Variants in PDGFD observed in about 807,000 individuals in gnomAD.
PDGFD encodes platelet derived growth factor D.
A neutral mutation model predicts 44.7 loss-of-function variants in PDGFD; 30 were observed. That is an observed-to-expected ratio of 0.67 (90% CI 0.50 to 0.91). The LOEUF (loss-of-function observed/expected upper bound fraction) is 0.91. Ranked by LOEUF, PDGFD falls within the 40% of genes least tolerant of loss-of-function variation. The probability of loss-of-function intolerance (pLI) is 0.00; values close to 1 mark genes in which losing one functional copy is unlikely to be tolerated. For missense variants in PDGFD, 445 were observed against 457.8 expected (o/e 0.97, Z 0.25); for synonymous variants, 173 against 168.4 (o/e 1.03, Z -0.21).
chr11:104,051,069 AAAAG>A (rs996629018), intron 1 of PDGFD, among the ~76,000 whole-genome samples: 54 of 151,840 alleles, frequency 3.6e-4, no homozygotes, highest in African/African-American at 1.2e-3. Context: ...TATAGCCAAG[AAAAG>A]AAACAGGCAG....
intron 1 of PDGFD, among the ~76,000 whole-genome samples, chr11:104,117,312 G>C (rs1443294561): frequency 6.6e-6 from 1 of 151,840 alleles, no homozygotes; most frequent in Non-Finnish European, 1.5e-5. Flanking sequence ...TTCCCTCTGA[G>C]AACTGGAACA....
intron 1 of PDGFD, chr11:104,036,430 T>C: frequency 4.6e-6 from 1 of 217,234 alleles, no homozygotes; most frequent in Non-Finnish European, 9.4e-6. Flanking sequence ...GGTGACAGGA[T>C]AAGATCCTGT....
At chr11:103,939,502 C>G (rs879677107) in intron 5 of PDGFD, among the ~76,000 whole-genome samples, 1 of 152,128 alleles carries the variant, frequency 6.6e-6, no homozygotes, top group Non-Finnish European at 1.5e-5. Flanking sequence ...CATCTGCAAA[C>G]AGGGACAATT....
intron 1 of PDGFD, among the ~76,000 whole-genome samples, chr11:104,034,142 C>T (rs962353514): frequency 5.3e-5 from 8 of 152,270 alleles, no homozygotes; most frequent in African/African-American, 1.9e-4. Flanking sequence ...ACATCCCTCA[C>T]CATCTTCTTC....
At chr11:104,116,222 A>G (rs769112882) in intron 1 of PDGFD, among the ~76,000 whole-genome samples, 6 of 152,076 alleles carry the variant, frequency 3.9e-5, no homozygotes, top group Non-Finnish European at 7.4e-5. Context: ...GTGAGAGATA[A>G]GAATCCAGTT....
intron 3 of PDGFD, among the ~76,000 whole-genome samples, chr11:103,952,164 A>T (rs1858769386): frequency 6.6e-6 from 1 of 152,194 alleles, no homozygotes; most frequent in South Asian, 2.1e-4. Flanking sequence ...AGACAAATGC[A>T]AAACAAACTC....
At chr11:104,142,454 T>C (rs761762539) in intron 1 of PDGFD, among the ~76,000 whole-genome samples, 5 of 152,148 alleles carry the variant, frequency 3.3e-5, no homozygotes, top group Non-Finnish European at 7.4e-5. Flanking sequence ...TGTATATATA[T>C]AGTATATGTA....
At chr11:104,125,876 G>A (rs1861834661) in intron 1 of PDGFD, among the ~76,000 whole-genome samples, 1 of 152,132 alleles carries the variant, frequency 6.6e-6, no homozygotes, top group Non-Finnish European at 1.5e-5. Flanking sequence ...TGGTGTCACT[G>A]CACATTTATG....
At chr11:104,132,650 A>G (rs113246549) in intron 1 of PDGFD, among the ~76,000 whole-genome samples, 10 of 152,222 alleles carry the variant, frequency 6.6e-5, no homozygotes, top group African/African-American at 1.9e-4. Flanking sequence ...GATAATATAC[A>G]TCTTTATATC....
chr11:104,130,459 T>G (rs908274349), intron 1 of PDGFD, among the ~76,000 whole-genome samples: 20 of 152,142 alleles, frequency 1.3e-4, no homozygotes, highest in African/African-American at 4.1e-4. Flanking sequence ...GGCAAGAGAT[T>G]AACCCACTTT....
intron 1 of PDGFD, among the ~76,000 whole-genome samples, chr11:104,130,002 A>G (rs1032571328): frequency 1.3e-5 from 2 of 149,722 alleles, no homozygotes; most frequent in Non-Finnish European, 3.0e-5. Context: ...AGACCTCTGA[A>G]AAAAAAAAAA....
intron 1 of PDGFD, among the ~76,000 whole-genome samples, chr11:104,047,117 C>T (rs1262785635): frequency 6.8e-6 from 1 of 147,418 alleles, no homozygotes; most frequent in Admixed American, 6.8e-5. Context: ...ATGTTTGCCA[C>T]ATTTTCTTCG....
intron 1 of PDGFD, among the ~76,000 whole-genome samples, chr11:104,006,098 CT>C (rs1201233227): frequency 6.6e-6 from 1 of 152,198 alleles, no homozygotes; most frequent in Non-Finnish European, 1.5e-5. Context: ...ATGAAAGTCA[CT>C]GTAGGCACTA....
chr11:104,148,130 T>C (rs1424163416), intron 1 of PDGFD, among the ~76,000 whole-genome samples: 1 of 152,130 alleles, frequency 6.6e-6, no homozygotes, highest in Non-Finnish European at 1.5e-5. Context: ...TGACTATAAG[T>C]TTTTTTAACA....
At chr11:103,985,960 A>G (rs1258196034) in intron 3 of PDGFD, among the ~76,000 whole-genome samples, 1 of 152,160 alleles carries the variant, frequency 6.6e-6, no homozygotes, top group South Asian at 2.1e-4. Flanking sequence ...TCTCTTTCAC[A>G]GAGGTGGCTC....
At chr11:104,160,339 T>C (rs1862371213) in intron 1 of PDGFD, among the ~76,000 whole-genome samples, 1 of 152,188 alleles carries the variant, frequency 6.6e-6, no homozygotes, top group South Asian at 2.1e-4. Flanking sequence ...GAAAATGAAA[T>C]GAAGAATGCA....
At chr11:104,087,786 C>G (rs185305715) in intron 1 of PDGFD, among the ~76,000 whole-genome samples, 162 of 152,186 alleles carry the variant, frequency 1.1e-3, no homozygotes, top group Middle Eastern at 3.4e-3. Context: ...GGTGCTGTGC[C>G]GCAAGCAGAT....
At chr11:104,099,336 T>C (rs953325112) in intron 1 of PDGFD, among the ~76,000 whole-genome samples, 4 of 152,176 alleles carry the variant, frequency 2.6e-5, no homozygotes, top group African/African-American at 9.7e-5. Context: ...ATTACTGTTA[T>C]GATGAAATAT....
chr11:103,908,635 G>T lies in PDGFD; in HGVS notation c.*1059C>A, dbSNP rs946100076. ...TCCATGTCTATATTTCAAAAAGACG[G>T]GAACACAAAAGCAAGATACATTAAA... On this transcript the variant is annotated 3_prime_UTR_variant, in exon 7 of 7. Transcript: ENST00000393158. 1 of 152,152 alleles carries T rather than the reference G, an allele frequency of 6.6e-6. No homozygotes were observed. The highest frequency in any genetic ancestry group is 1.5e-5 in the Non-Finnish European group (1 of 68,010). 9.4% of individuals were successfully genotyped at this position (152,152 alleles called of 1,614,324 possible).
Sources: allele counts gnomAD v4.1 joint callset (sites outside exome capture counted in the v4.1 genomes callset), GRCh38; gene constraint gnomAD v4.1.1; transcripts MANE v1.5; gene names NCBI Gene and HGNC (gene_info 2026-07-23, HGNC 2026-07-21).